Variants in LAMA3 observed in about 807,000 individuals in gnomAD.
LAMA3 encodes the protein laminin subunit alpha 3, also known as laminin subunit alpha-3.
Under a neutral mutation model 402.0 loss-of-function variants are expected in LAMA3, and 281 were observed. The ratio of observed to expected loss-of-function variants is 0.70; its 90% CI spans 0.63 to 0.77. The LOEUF (loss-of-function observed/expected upper bound fraction) is 0.77. Among genes scored for constraint, LAMA3 ranks in the 30% least tolerant of loss-of-function variants. The probability of loss-of-function intolerance (pLI) is 0.00; values close to 1 mark genes in which losing one functional copy is unlikely to be tolerated. For synonymous variants in LAMA3, 1,431 were observed against 1,558.4 expected (o/e 0.92, Z 1.93); for missense variants, 3,840 against 4,215.5 (o/e 0.91, Z 2.47).
intron 22 of LAMA3, among the ~76,000 whole-genome samples, chr18:23,827,074 C>T (rs2063397228): frequency 6.6e-6 from 1 of 152,230 alleles, no homozygotes; most frequent in African/African-American, 2.4e-5. Flanking sequence ...AGTCATACAT[C>T]TGGTGGGAGG....
At chr18:23,890,437 G>T (rs1048296063) in intron 42 of LAMA3, among the ~76,000 whole-genome samples, 1 of 151,958 alleles carries the variant, frequency 6.6e-6, no homozygotes, top group Non-Finnish European at 1.5e-5. Flanking sequence ...ATTTTGCTGA[G>T]ATCTCCCTTT....
rs2083064621 is a variant in LAMA3 at position 23,955,058 on chromosome 18, G to T, written c.*410G>T. 2 of 252,614 alleles carry T rather than the reference G, an allele frequency of 7.9e-6. No homozygotes were observed. The highest frequency in any genetic ancestry group is 7.8e-6 in the Non-Finnish European group (1 of 128,856). The allele number at this position is 252,614 out of a possible 1,614,324, so 15.6% of individuals were successfully genotyped here. A position where few individuals can be genotyped will look rare whatever the true frequency, so the allele number is the denominator to read the frequency against. ...TTATGGAATTAAAAAATGCAGTGTA[G>T]TCCTTAAATTATGATGTTTTATTAG... On this transcript the variant is annotated 3_prime_UTR_variant, in exon 75 of 75. Coordinates refer to ENST00000313654, the MANE Select transcript of LAMA3 (RefSeq NM_198129.4).
chr18:23,736,660 G>C lies in LAMA3; in HGVS notation c.448-11283G>C, dbSNP rs146426865. Reference sequence around the variant, plus strand: ...ATATTTCACATTTGCAAGATAGAGTGGTAGAAGCCAATACTGATTTTGGGG... The same window carrying C: ...ATATTTCACATTTGCAAGATAGAGTCGTAGAAGCCAATACTGATTTTGGGG... On this transcript the variant is annotated intron_variant, in intron 2 of 74. Transcript: ENST00000313654. Among the ~76,000 whole-genome samples the C allele has an allele frequency of 3.3e-5, 5 of 152,170 alleles. No homozygotes were observed. The East Asian group carries it at 9.7e-4, about 29-fold the overall frequency.
intron 23 of LAMA3, 152 bp downstream of exon 23, chr18:23,827,619 A>G: frequency 2.2e-6 from 2 of 896,678 alleles, no homozygotes; most frequent in East Asian, 5.3e-5. Context: ...TATCTGATTT[A>G]GGGTGGGGCT....
intron 40 of LAMA3, among the ~76,000 whole-genome samples, chr18:23,883,762 C>A (rs6508002): frequency 0.12 from 18,598 of 152,188 alleles, 2,582 homozygotes; most frequent in African/African-American, 0.32. Context: ...CACTGGGGTG[C>A]TTGGAAAAAG....
chr18:23,825,744 C>T (rs1204585700), intron 21 of LAMA3, among the ~76,000 whole-genome samples: 1 of 151,988 alleles, frequency 6.6e-6, no homozygotes, highest in Admixed American at 6.5e-5. Flanking sequence ...AAGTTGGACT[C>T]ACGGAAAGTA....
chr18:23,838,950 T>C (rs2063640836), intron 26 of LAMA3, 72 bp downstream of exon 26: 2 of 913,750 alleles, frequency 2.2e-6, no homozygotes, highest in Non-Finnish European at 3.7e-6. Flanking sequence ...GCTGAAACTT[T>C]ATACTCAACG....
At chr18:23,750,882 A>C in intron 4 of LAMA3, 36 bp from the exon 5 acceptor site, 1 of 1,612,418 alleles carries the variant, frequency 6.2e-7, no homozygotes, top group Non-Finnish European at 8.5e-7. Flanking sequence ...GATAAAAGGA[A>C]CTTTTTCCCC....
At chr18:23,810,601 C>A in intron 13 of LAMA3, 98 bp downstream of exon 13, 2 of 1,320,890 alleles carry the variant, frequency 1.5e-6, no homozygotes, top group South Asian at 1.2e-5. Flanking sequence ...AGACTCACCA[C>A]TGGCCACCCC....
intron 9 of LAMA3, among the ~76,000 whole-genome samples, chr18:23,775,517 C>T (rs2062296421): frequency 6.6e-6 from 1 of 151,728 alleles, no homozygotes; most frequent in Non-Finnish European, 1.5e-5. Flanking sequence ...CAGGCTTTGC[C>T]TCTGACTCAG....
At chr18:23,861,522 A>C (rs778753954) in intron 34 of LAMA3, 124 bp from the exon 35 acceptor site, 272 of 1,032,140 alleles carry the variant, frequency 2.6e-4, no homozygotes, top group Middle Eastern at 1.5e-3. Context: ...GAGTAGACGC[A>C]TAAAGGAGGC....
intron 64 of LAMA3, among the ~76,000 whole-genome samples, chr18:23,930,634 G>T (rs2082134517): frequency 1.3e-5 from 2 of 152,058 alleles, no homozygotes. Flanking sequence ...TGTGGTCCCA[G>T]CTTCTCAGGA....
intron 7 of LAMA3, among the ~76,000 whole-genome samples, chr18:23,759,876 TG>T (rs936562633): frequency 6.6e-6 from 1 of 152,104 alleles, no homozygotes; most frequent in African/African-American, 2.4e-5. Context: ...GAGTCCCAGG[TG>T]TTGCTTGGAT....
intron 39 of LAMA3, among the ~76,000 whole-genome samples, 185 bp downstream of exon 39, chr18:23,876,592 A>G (rs921653671): frequency 4.6e-5 from 7 of 152,218 alleles, no homozygotes; most frequent in Admixed American, 6.5e-5. Context: ...CTCCATTTTA[A>G]CATGCACCAT....
intron 21 of LAMA3, among the ~76,000 whole-genome samples, chr18:23,825,830 C>T (rs948849122): frequency 6.6e-6 from 1 of 152,016 alleles, no homozygotes; most frequent in African/African-American, 2.4e-5. Context: ...ATAAGGGTGC[C>T]TATGATCAAC....
intron 70 of LAMA3, 45 bp from the exon 71 acceptor site, chr18:23,949,720 T>C: frequency 3.7e-6 from 6 of 1,606,154 alleles, no homozygotes; most frequent in Non-Finnish European, 5.1e-6. Context: ...CATGCCTTTC[T>C]TGGAGGTGTA....
At chr18:23,894,874 C>G (rs1384780918) in intron 43 of LAMA3, 33 bp from the exon 44 acceptor site, 17 of 1,614,082 alleles carry the variant, frequency 1.1e-5, no homozygotes, top group Non-Finnish European at 1.4e-5. Context: ...GCTCCCCCCA[C>G]AGCACATTTG....
At chr18:23,871,730 C>A in intron 38 of LAMA3, 69 bp downstream of exon 38, 1 of 1,278,050 alleles carries the variant, frequency 7.8e-7, no homozygotes, top group Non-Finnish European at 1.1e-6. Context: ...TGCTGTCCAG[C>A]ACTGTGGGAT....
chr18:23,745,534 C>G (rs867178059), intron 2 of LAMA3, among the ~76,000 whole-genome samples: 1 of 152,148 alleles, frequency 6.6e-6, no homozygotes, highest in South Asian at 2.1e-4. Context: ...TATTCAGTAC[C>G]TATTAGGTCC....
Sources: allele counts gnomAD v4.1 joint callset (sites outside exome capture counted in the v4.1 genomes callset), GRCh38; gene constraint gnomAD v4.1.1; transcripts MANE v1.5; gene names NCBI Gene and HGNC (gene_info 2026-07-23, HGNC 2026-07-21).